Variants in MYH7 observed in about 807,000 individuals in gnomAD.
The protein encoded by MYH7 is myosin heavy chain 7, also known as myosin-7.
In MYH7, 129 loss-of-function variants were observed where a neutral mutation model predicts 225.4. The ratio of observed to expected loss-of-function variants is 0.57; its 90% CI spans 0.50 to 0.66. MYH7 has a LOEUF of 0.66. MYH7 is among the 30% of genes least tolerant of loss of function. The probability of loss-of-function intolerance (pLI) is 0.00; values close to 1 mark genes in which losing one functional copy is unlikely to be tolerated. For synonymous variants in MYH7, 971 were observed against 1,007.6 expected (o/e 0.96, Z 0.69); for missense variants, 1,649 against 2,517.0 (o/e 0.66, Z 7.38).
At chr14:23,424,274 G>T in intron 22 of MYH7, 125 bp from the exon 23 acceptor site, 1 of 1,282,778 alleles carries the variant, frequency 7.8e-7, no homozygotes, top group Non-Finnish European at 1.1e-6. Context: ...CTTGGCAAGA[G>T]CTTCAGAAGT....
intron 18 of MYH7, among the ~76,000 whole-genome samples, chr14:23,426,461 T>A (rs182793541): frequency 6.6e-6 from 1 of 152,298 alleles, no homozygotes; most frequent in African/African-American, 2.4e-5. Context: ...ATATGTCTCA[T>A]TGGGGGATTA....
At position 23,421,015 on chromosome 14, in the gene MYH7, C is replaced by T. The variant is rs1438305998; in HGVS notation, c.3279G>A (p.Arg1093=). 6.2e-7 allele frequency: 1 copy of T among 1,612,912 alleles called. No individual in the cohort carries two copies. The highest frequency in any genetic ancestry group is 8.5e-7 in the Non-Finnish European group (1 of 1,180,022). ...TGCCGAGGGCCTGTTCATCCTCAAT[C>T]CTTGCGTTGAGAGCATTCAGCTCAA... ...KDFELNALNA[R]IEDEQALGSQ... Residue 1093 remains arginine (R), a synonymous_variant, in exon 26 of 40, where the codon AGG becomes AGA. Transcript: ENST00000355349.
Position 23,428,619 on chromosome 14 carries a change from G to C in MYH7, c.1459C>G (p.Gln487Glu). The C allele has an allele frequency of 2.5e-6, 4 of 1,614,188 alleles. No individual in the cohort carries two copies. The highest frequency in any genetic ancestry group is 3.4e-6 in the Non-Finnish European group (4 of 1,180,024). ...ACAAACATGTGGTGGTTGAAGAACT[G>C]CTGCAGCTTCTCGTTGGTGAAGTTG... Reference protein sequence around the residue: ...CINFTNEKLQQFFNHHMFVLE... With the variant: ...CINFTNEKLQEFFNHHMFVLE... Residue 487 changes from glutamine (Q) to glutamate (E), a missense_variant, in exon 15 of 40, where the codon CAG becomes GAG. Around this residue, in one of 12 missense-constraint regions of MYH7, gnomAD observed 76 missense variants for 233.8 expected, o/e 0.33. Transcript: ENST00000355349.
In MYH7 at chr14:23,430,678, A is replaced by G. The variant is rs749069871; in HGVS notation, c.896-15T>C. The G allele has an allele frequency of 4.4e-6, 7 of 1,606,478 alleles. No homozygotes were observed. The highest frequency in any genetic ancestry group is 5.1e-6 in the Non-Finnish European group (6 of 1,173,118). ...CAGCAGCATGTCTAGGGGAAAAAAC[A>G]TGGTTAGGGTGGGACACAAGCCCCC... is the stretch of plus-strand genomic sequence containing the variant. On this transcript the variant is annotated splice_polypyrimidine_tract_variant and intron_variant, in intron 10 of 39. Coordinates refer to ENST00000355349, the MANE Select transcript of MYH7 (RefSeq NM_000257.4).
Position 23,423,934 on chromosome 14 carries a change from C to T in MYH7, c.2895G>A (p.Glu965=), listed in dbSNP as rs1237843058. ...DDLELTLAKV[E]KEKHATENKV... ...TGTTCTCTGTTGCGTGTTTCTCCTT[C>T]TCCACTTTGGCCAGTGTCAGCTCCA... is the stretch of plus-strand genomic sequence containing the variant. Residue 965 remains glutamate, a synonymous_variant, in exon 23 of 40, where the codon GAG becomes GAA. Coordinates refer to ENST00000355349, the MANE Select transcript of MYH7 (RefSeq NM_000257.4). The T allele has an allele frequency of 2.5e-6, 4 of 1,614,086 alleles. No homozygotes were observed. Among genetic ancestry groups the T allele is most frequent in the Non-Finnish European group, 3.4e-6 (4 of 1,180,058 alleles).
At chr14:23,430,035 C>G in intron 11 of MYH7, 122 bp from the exon 12 acceptor site, 8 of 1,161,244 alleles carry the variant, frequency 6.9e-6, no homozygotes, top group African/African-American at 1.5e-5. Flanking sequence ...GACTCCCATA[C>G]CCAGTGGGGA....
At chr14:23,417,025 C>T in intron 32 of MYH7, 33 bp from the exon 33 acceptor site, 1 of 1,614,162 alleles carries the variant, frequency 6.2e-7, no homozygotes, top group East Asian at 2.2e-5. Flanking sequence ...CGGTTGAGGG[C>T]TGCTGAGGTC....
At position 23,413,830 on chromosome 14, in the gene MYH7, C is replaced by G. The variant is rs1892070427; in HGVS notation, c.5719G>C (p.Glu1907Gln). Reference sequence around the variant, plus strand: ...GACTCGGCGATGTCCGCCCGCTCCTCTGCCTCATCCAGCTCGTGCTGCACC... The same window carrying G: ...GACTCGGCGATGTCCGCCCGCTCCTGTGCCTCATCCAGCTCGTGCTGCACC... ...RKVQHELDEAEERADIAESQV... is the reference protein window; with the variant it reads ...RKVQHELDEAQERADIAESQV... The change falls in exon 39 of 40, where the codon GAG becomes CAG. Residue 1907 changes from glutamate (E) to glutamine (Q), a missense_variant. Glu to Gln is a conservative substitution (Grantham distance 29). Around this residue, in one of 12 missense-constraint regions of MYH7, gnomAD observed 687 missense variants for 913.8 expected, o/e 0.75. Coordinates refer to ENST00000355349, the MANE Select transcript of MYH7 (RefSeq NM_000257.4). The G allele has an allele frequency of 6.2e-7, 1 of 1,614,294 alleles. No individual in the cohort carries two copies. Among genetic ancestry groups the G allele is most frequent in the African/African-American group, 1.3e-5 (1 of 75,074 alleles).
In MYH7 at chr14:23,425,869, G is replaced by C. The variant is rs948221978; in HGVS notation, c.2163-51C>G. On this transcript the variant is annotated intron_variant, in intron 19 of 39. Coordinates refer to ENST00000355349, the MANE Select transcript of MYH7 (RefSeq NM_000257.4). The surrounding 1 kb of genome is among the most constrained non-coding windows in gnomAD (Gnocchi z 4.6). The stretch of plus-strand genomic sequence containing the variant: ...CCCATGCTCTGCAGTGATCTGCTCT[G>C]CCCATAGAATTCCAGGGTCACCTGC... 2 of 1,613,326 alleles carry C rather than the reference G, an allele frequency of 1.2e-6. No homozygotes were observed. The highest frequency in any genetic ancestry group is 2.2e-5 in the South Asian group (2 of 91,038).
At chr14:23,432,866 A>G (rs1021288969) in intron 4 of MYH7, 71 bp from the exon 5 acceptor site, 1 of 1,594,178 alleles carries the variant, frequency 6.3e-7, no homozygotes. Context: ...GGAGTTAGAG[A>G]AAGATCCCAG....
chr14:23,417,726 G>T (rs771106373), intron 30 of MYH7, 40 bp from the exon 31 acceptor site: 1 of 1,607,542 alleles, frequency 6.2e-7, no homozygotes, highest in Non-Finnish European at 8.5e-7. Flanking sequence ...GAGGATGGAG[G>T]GTGTGGATGG....
At chr14:23,431,349 G>T in intron 9 of MYH7, 69 bp downstream of exon 9, 1 of 1,457,828 alleles carries the variant, frequency 6.9e-7, no homozygotes. Flanking sequence ...GAGAGAGAGA[G>T]AGGTCAAGAC....
At chr14:23,430,280 C>A (rs1892874559) in intron 11 of MYH7, among the ~76,000 whole-genome samples, 1 of 152,188 alleles carries the variant, frequency 6.6e-6, no homozygotes, top group African/African-American at 2.4e-5. Context: ...GCCTTCCCTC[C>A]TCGTCCTGCT....
chr14:23,431,921 A>C (rs746814822), intron 6 of MYH7, 52 bp from the exon 7 acceptor site: 7 of 1,578,306 alleles, frequency 4.4e-6, no homozygotes, highest in Non-Finnish European at 6.1e-6. Flanking sequence ...GGAGACCAGC[A>C]AGCCTCAAAT....
intron 11 of MYH7, 151 bp downstream of exon 11, chr14:23,430,409 G>C (rs1256915033): frequency 1.4e-6 from 1 of 712,220 alleles, no homozygotes; most frequent in Non-Finnish European, 2.5e-6. Flanking sequence ...CCATTCCCCA[G>C]TACACCCTGA....
At position 23,425,119 on chromosome 14, in the gene MYH7, C is replaced by T; in HGVS notation, c.2424-95G>A. On this transcript the variant is annotated intron_variant, in intron 21 of 39. Transcript: ENST00000355349. The surrounding 1 kb of genome is among the most constrained non-coding windows in gnomAD (Gnocchi z 4.6). Reference sequence around the variant, plus strand: ...GAATATCCCATTTCCTTCATCCCTCCCACCCTTCCTGAGGCCTCTGACCCT... The same window carrying T: ...GAATATCCCATTTCCTTCATCCCTCTCACCCTTCCTGAGGCCTCTGACCCT... 1.2e-6 allele frequency: 2 copies of T among 1,607,808 alleles called. No homozygotes were observed. The highest frequency in any genetic ancestry group is 2.2e-5 in the East Asian group (1 of 44,832).
In MYH7 at chr14:23,433,676, T is replaced by C. The variant is rs1199357881; in HGVS notation, c.57A>G (p.Ser19=). Residue 19 remains serine, a synonymous_variant, in exon 3 of 40, where the codon TCA becomes TCG. Transcript: ENST00000355349. This position sits in a 1 kb window ranked among gnomAD's most constrained non-coding sequence, Gnocchi z 4.1. Reference sequence around the variant, plus strand: ...TCTGCGCTTCTAGCCGCTCCTTCTCTGACTTGCGCAGGTAGGGGGCGGCAG... The same window carrying C: ...TCTGCGCTTCTAGCCGCTCCTTCTCCGACTTGCGCAGGTAGGGGGCGGCAG... The part of the protein sequence containing the change: ...FGAAAPYLRK[S]EKERLEAQTR... The C allele has an allele frequency of 6.2e-7, 1 of 1,614,264 alleles. No individual in the cohort carries two copies. Among genetic ancestry groups the C allele is most frequent in the Admixed American group, 1.7e-5 (1 of 60,034 alleles).
At chr14:23,417,773 A>G (rs990052659) in intron 30 of MYH7, 87 bp from the exon 31 acceptor site, 13 of 1,525,386 alleles carry the variant, frequency 8.5e-6, no homozygotes, top group Non-Finnish European at 1.2e-5. Context: ...CTCAAAGACA[A>G]TCCTTGAAAC....
chr14:23,433,369 T>C lies in MYH7; in HGVS notation c.202-142A>G. 6.9e-7 allele frequency: 1 copy of C among 1,455,016 alleles called. No individual in the cohort carries two copies. Among genetic ancestry groups the C allele is most frequent in the Non-Finnish European group, 9.5e-7 (1 of 1,052,580 alleles). The allele number at this position is 1,455,016 out of a possible 1,614,324, so 90.1% of individuals were successfully genotyped here. On this transcript the variant is annotated intron_variant, in intron 3 of 39. Coordinates refer to ENST00000355349, the MANE Select transcript of MYH7 (RefSeq NM_000257.4). This position sits in a 1 kb window ranked among gnomAD's most constrained non-coding sequence, Gnocchi z 4.1. ...CTCACAGGGAAGACAGAAGGGATATTGGGAAGGAGAGGGCTCTTTGGAGGG... is the reference window on the plus strand; with the variant it reads ...CTCACAGGGAAGACAGAAGGGATATCGGGAAGGAGAGGGCTCTTTGGAGGG...
Sources: gnomAD v4.1 joint callset for allele counts (sites outside exome capture counted in the v4.1 genomes callset) on GRCh38, gnomAD v4.1.1 for gene constraint, gnomAD v4.1.1 regional missense constraint, Gnocchi (gnomAD v3.1) non-coding constraint, MANE v1.5 for transcripts, NCBI Gene and HGNC (gene_info 2026-07-23, HGNC 2026-07-21) for gene names.